Variants in ASAP2 observed in about 807,000 individuals in gnomAD.
The protein encoded by ASAP2 is arf-GAP with SH3 domain, ANK repeat and PH domain-containing protein 2.
Under a neutral mutation model 131.4 loss-of-function variants are expected in ASAP2, and 45 were observed. The ratio of observed to expected loss-of-function variants is 0.34; its 90% CI spans 0.27 to 0.44. ASAP2 has a LOEUF of 0.44. Ranked by LOEUF, ASAP2 falls within the 20% of genes least tolerant of loss-of-function variation. The pLI is 1.00. For synonymous variants in ASAP2, 510 were observed against 503.0 expected, an observed-to-expected ratio of 1.01 and a Z score of -0.19; for missense variants, 1,011 against 1,297.0, an observed-to-expected ratio of 0.78 and a Z score of 3.39.
chr2:9,251,122 G>C (rs1016831842), intron 1 of ASAP2, among the ~76,000 whole-genome samples: 1 of 152,212 alleles, frequency 6.6e-6, no homozygotes, highest in Non-Finnish European at 1.5e-5. Flanking sequence ...TAAGTGGACG[G>C]GAGTGGAGCG....
chr2:9,304,461 G>A (rs1668694117), intron 3 of ASAP2, among the ~76,000 whole-genome samples: 1 of 150,112 alleles, frequency 6.7e-6, no homozygotes, highest in African/African-American at 2.5e-5. Flanking sequence ...GGGCTGTAGG[G>A]GGTGTAGATA....
Position 9,356,054 on chromosome 2 carries a change from A to G in ASAP2, c.1119A>G (p.Arg373=), listed in dbSNP as rs757439788. ...ATTCCTCTTGCTATGCAGATGACAGAACTTACCACTTTCAAGCTGAAGATG... is the reference window on the plus strand; with the variant it reads ...ATTCCTCTTGCTATGCAGATGACAGGACTTACCACTTTCAAGCTGAAGATG... The part of the protein sequence containing the change: ...KKCFDLISHD[R]TYHFQAEDEQ... The change falls in exon 13 of 28, where the codon AGA becomes AGG. Residue 373 remains arginine (R), a synonymous_variant. Transcript: ENST00000281419. The G allele has an allele frequency of 1.2e-6, 2 of 1,614,164 alleles. No homozygotes were observed. Among genetic ancestry groups the G allele is most frequent in the African/African-American group, 1.3e-5 (1 of 75,028 alleles).
chr2:9,393,521 C>T lies in ASAP2; in HGVS notation c.2558C>T (p.Thr853Met), dbSNP rs1441513378. The T allele has an allele frequency of 1.2e-5, 19 of 1,604,762 alleles. No individual in the cohort carries two copies. The highest frequency in any genetic ancestry group is 1.7e-4 in the Middle Eastern group (1 of 6,060). Residue 853 changes from threonine to methionine, a missense_variant, in exon 24 of 28, where the codon ACG becomes ATG. Thr to Met is a moderately conservative substitution (Grantham distance 81). This residue lies in a region of ASAP2 where 652 missense variants were observed against 698.9 expected (regional missense o/e 0.93). Coordinates refer to ENST00000281419, the MANE Select transcript of ASAP2 (RefSeq NM_003887.3). ...TPTPPPPVAK[T>M]PSVMEALSQP... ...ACGCCGCCCCCACCCGTTGCCAAGACGCCCAGCGTAATGGAAGCCTTGAGC... is the reference window on the plus strand; with the variant it reads ...ACGCCGCCCCCACCCGTTGCCAAGATGCCCAGCGTAATGGAAGCCTTGAGC...
intron 11 of ASAP2, 98 bp from the exon 12 acceptor site, chr2:9,350,710 G>A (rs1185644252): frequency 3.0e-6 from 3 of 995,220 alleles, no homozygotes; most frequent in African/African-American, 3.2e-5. Flanking sequence ...CTAGTGAAGA[G>A]CTTGCTGTTG....
rs1164790075 is a variant in ASAP2 at position 9,207,015 on chromosome 2, G to A, written c.-90G>A. The A allele has an allele frequency of 1.1e-5, 12 of 1,104,816 alleles. No homozygotes were observed. Among genetic ancestry groups the A allele is most frequent in the Non-Finnish European group, 1.3e-5 (12 of 902,952 alleles). 68.4% of individuals were successfully genotyped at this position (1,104,816 alleles called of 1,614,324 possible). ...CGCGGGCCGGAGCGGCGGCGGCAGC[G>A]GCGGTGTCCGAGCGGCGGTCGGAGC... On this transcript the variant is annotated 5_prime_UTR_variant, in exon 1 of 28. Transcript: ENST00000281419. This position sits in a 1 kb window ranked among gnomAD's most constrained non-coding sequence, Gnocchi z 4.1.
intron 27 of ASAP2, among the ~76,000 whole-genome samples, chr2:9,402,925 A>G (rs1572657147): frequency 6.6e-6 from 1 of 152,188 alleles, no homozygotes; most frequent in Admixed American, 6.5e-5. Flanking sequence ...TCATTCATTC[A>G]TTCATTGAAA....
chr2:9,237,346 C>T (rs1017311767), intron 1 of ASAP2, among the ~76,000 whole-genome samples: 1 of 151,172 alleles, frequency 6.6e-6, no homozygotes, highest in African/African-American at 2.4e-5. Flanking sequence ...TAATTGATAC[C>T]TTTGAAAAGA....
intron 1 of ASAP2, among the ~76,000 whole-genome samples, chr2:9,278,345 T>G (rs1666890022): frequency 6.6e-6 from 1 of 152,078 alleles, no homozygotes; most frequent in African/African-American, 2.4e-5. Flanking sequence ...AAACCCCGTC[T>G]CTACTAAAAA....
intron 14 of ASAP2, among the ~76,000 whole-genome samples, chr2:9,357,504 A>G (rs1672799257): frequency 6.6e-6 from 1 of 152,026 alleles, no homozygotes; most frequent in Non-Finnish European, 1.5e-5. Flanking sequence ...AAACCCGAAA[A>G]TACGTTTTTG....
At chr2:9,394,133 T>C (rs971886554) in intron 24 of ASAP2, among the ~76,000 whole-genome samples, 2 of 151,022 alleles carry the variant, frequency 1.3e-5, no homozygotes, top group Non-Finnish European at 3.0e-5. Flanking sequence ...ATAATGCCCC[T>C]TGTTGCAGAT....
intron 2 of ASAP2, among the ~76,000 whole-genome samples, chr2:9,293,614 A>G (rs1667955970): frequency 6.6e-6 from 1 of 152,174 alleles, no homozygotes; most frequent in Non-Finnish European, 1.5e-5. Flanking sequence ...TCTAGTAGGA[A>G]AATCTTCACC....
chr2:9,311,797 G>C lies in ASAP2; in HGVS notation c.346-6727G>C, dbSNP rs575317792. Among the ~76,000 whole-genome samples the C allele has an allele frequency of 1.3e-5, 2 of 152,280 alleles. No individual in the cohort carries two copies. Among genetic ancestry groups the C allele is most frequent in the South Asian group, 4.1e-4 (2 of 4,828 alleles). ...GGCACACCTGCCGAGAAGCGCGTCT[G>C]GCCCCCACGCACTTGTTCTCTGGCC... On this transcript the variant is annotated intron_variant, in intron 3 of 27. Coordinates refer to ENST00000281419, the MANE Select transcript of ASAP2 (RefSeq NM_003887.3). This position sits in a 1 kb window ranked among gnomAD's most constrained non-coding sequence, Gnocchi z 5.2.
At chr2:9,274,570 A>T (rs753269668) in intron 1 of ASAP2, among the ~76,000 whole-genome samples, 6 of 152,024 alleles carry the variant, frequency 3.9e-5, no homozygotes, top group Non-Finnish European at 7.4e-5. Context: ...TAATCCGGCC[A>T]TCTCGGCCTC....
At chr2:9,381,228 C>T (rs533315345) in intron 20 of ASAP2, among the ~76,000 whole-genome samples, 1 of 152,216 alleles carries the variant, frequency 6.6e-6, no homozygotes, top group Admixed American at 6.5e-5. Context: ...ACCATCTTTT[C>T]CTGTTCTGGA....
chr2:9,295,968 C>T (rs1162884783), intron 2 of ASAP2, among the ~76,000 whole-genome samples: 1 of 152,206 alleles, frequency 6.6e-6, no homozygotes, highest in Non-Finnish European at 1.5e-5. Context: ...CGTTTTCCCA[C>T]ATTGTCAGGC....
At chr2:9,262,129 C>T (rs901996110) in intron 1 of ASAP2, among the ~76,000 whole-genome samples, 3 of 152,110 alleles carry the variant, frequency 2.0e-5, no homozygotes, top group South Asian at 2.1e-4. Context: ...GAATGATAGG[C>T]GCGTGCCATC....
intron 12 of ASAP2, among the ~76,000 whole-genome samples, chr2:9,352,202 AACACACACAAACACAC>A (rs968855309): frequency 2.8e-5 from 4 of 142,862 alleles, no homozygotes; most frequent in Non-Finnish European, 6.0e-5. Context: ...AACTCTTTAA[AACACACACAAACACAC>A]ACACACACAC....
intron 23 of ASAP2, 79 bp downstream of exon 23, chr2:9,391,275 C>T: frequency 5.2e-6 from 8 of 1,532,400 alleles, no homozygotes; most frequent in South Asian, 2.5e-5. Context: ...TGGAGCCACA[C>T]AGCTGCCAGC....
intron 1 of ASAP2, among the ~76,000 whole-genome samples, chr2:9,226,251 C>A (rs1322656906): frequency 6.6e-6 from 1 of 152,198 alleles, no homozygotes; most frequent in East Asian, 1.9e-4. Flanking sequence ...AGGAACCTAC[C>A]ATTTACAAAT....
Sources: gnomAD v4.1 joint callset for allele counts (sites outside exome capture counted in the v4.1 genomes callset) on GRCh38, gnomAD v4.1.1 for gene constraint, gnomAD v4.1.1 regional missense constraint, Gnocchi (gnomAD v3.1) non-coding constraint, MANE v1.5 for transcripts, NCBI Gene and HGNC (gene_info 2026-07-23, HGNC 2026-07-21) for gene names.